Variants in TRIM22 observed in about 807,000 individuals in gnomAD.
The protein encoded by TRIM22 is E3 ubiquitin-protein ligase TRIM22.
A neutral mutation model predicts 53.6 loss-of-function variants in TRIM22; 45 were observed. The observed-to-expected ratio is 0.84, with a 90% CI of 0.66 to 1.08. TRIM22 has a LOEUF of 1.08. Ranked by LOEUF, TRIM22 falls within the 50% of genes least tolerant of loss-of-function variation. The pLI is 0.00. For synonymous variants in TRIM22, 225 were observed against 216.6 expected (o/e 1.04, Z -0.34); for missense variants, 616 against 590.9 (o/e 1.04, Z -0.44).
At position 5,690,028 on chromosome 11, in the gene TRIM22, T is replaced by G. The variant is rs1318861835; in HGVS notation, c.-67+129T>G. The G allele has an allele frequency of 2.0e-5, 3 of 152,290 alleles. 1 individual carries two copies. In the South Asian group the frequency reaches 6.2e-4, roughly 32 times the overall value. The allele number at this position is 152,290 out of a possible 1,614,324, so 9.4% of individuals were successfully genotyped here. ...AAACAAAAAGAGGCAGCTTGTGAAC[T>G]GTCTGCTGAGATGGCAGAGGAAGAA... On this transcript the variant is annotated intron_variant, in intron 1 of 7. Coordinates refer to ENST00000379965, the MANE Select transcript of TRIM22 (RefSeq NM_006074.5).
intron 4 of TRIM22, among the ~76,000 whole-genome samples, chr11:5,701,386 T>TAAC (rs533019926): frequency 0.012 from 1,882 of 152,344 alleles, 42 homozygotes; most frequent in African/African-American, 0.043. Context: ...CAGCTGTCTG[T>TAAC]TACTGATTAC....
At position 5,710,686 on chromosome 11, in the gene TRIM22, C is replaced by T. The variant is rs537511090; in HGVS notation, c.*1038C>T. On this transcript the variant is annotated 3_prime_UTR_variant, in exon 8 of 8. Coordinates refer to ENST00000379965, the MANE Select transcript of TRIM22 (RefSeq NM_006074.5). Reference sequence around the variant, plus strand: ...CAAGACTATATCTAATTCCTCTGATCACTTTGAGAAACAAACTTTTATTAA... The same window carrying T: ...CAAGACTATATCTAATTCCTCTGATTACTTTGAGAAACAAACTTTTATTAA... 6 of 152,128 alleles carry T rather than the reference C, an allele frequency of 3.9e-5. No individual in the cohort carries two copies. The highest frequency in any genetic ancestry group is 6.5e-5 in the Admixed American group (1 of 15,274). The allele number at this position is 152,128 out of a possible 1,614,324, so 9.4% of individuals were successfully genotyped here.
At chr11:5,697,554 G>A in intron 3 of TRIM22, 1 of 447,890 alleles carries the variant, frequency 2.2e-6, no homozygotes, top group Non-Finnish European at 4.0e-6. Context: ...GGAAGTGAAG[G>A]CATGGAGGGA....
At chr11:5,690,263 G>A (rs930426500) in intron 1 of TRIM22, among the ~76,000 whole-genome samples, 1 of 152,152 alleles carries the variant, frequency 6.6e-6, no homozygotes, top group Non-Finnish European at 1.5e-5. Flanking sequence ...GTGCAGAGGG[G>A]TGCTTCTTCT....
In TRIM22 at chr11:5,698,517, T is replaced by C; in HGVS notation, c.722T>C (p.Leu241Ser). ...CTCATCTCAGATCTCCAGCGGAGGT[T>C]GAGGGGATCGTCAGTAGAGATGCTG... ...STLISDLQRR[L>S]RGSSVEMLQD... The change falls in exon 4 of 8, where the codon TTG (leucine) becomes TCG (serine). Residue 241 changes from leucine (L) to serine (S), a missense_variant. Transcript: ENST00000379965. 1 of 1,613,800 alleles carries C rather than the reference T, an allele frequency of 6.2e-7. No homozygotes were observed. The highest frequency in any genetic ancestry group is 8.5e-7 in the Non-Finnish European group (1 of 1,179,782).
intron 3 of TRIM22, chr11:5,697,547 A>G (rs1017241894): frequency 6.5e-6 from 3 of 462,210 alleles, no homozygotes; most frequent in African/African-American, 5.9e-5. Flanking sequence ...TATATTTGGA[A>G]GTGAAGGCAT....
At chr11:5,691,370 G>A (rs771147258) in intron 1 of TRIM22, among the ~76,000 whole-genome samples, 3 of 152,104 alleles carry the variant, frequency 2.0e-5, no homozygotes, top group Non-Finnish European at 2.9e-5. Context: ...TAATTAGATC[G>A]GAACAAAACA....
chr11:5,697,196 C>T (rs1853278736), intron 2 of TRIM22, 52 bp from the exon 3 acceptor site: 1 of 1,388,318 alleles, frequency 7.2e-7, no homozygotes, highest in Non-Finnish European at 9.9e-7. Flanking sequence ...GTCCTCTATT[C>T]AGGTGCTGAG....
chr11:5,696,065 TTC>T, intron 1 of TRIM22, 100 bp from the exon 2 acceptor site: 1 of 548,686 alleles, frequency 1.8e-6, no homozygotes, highest in Non-Finnish European at 3.1e-6. Flanking sequence ...CTTTTCTCCT[TTC>T]TCTGTTAAAT....
Position 5,699,320 on chromosome 11 carries a change from C to T in TRIM22, c.750+775C>T, listed in dbSNP as rs367981994. Among the ~76,000 whole-genome samples the T allele has an allele frequency of 6.8e-4, 87 of 128,166 alleles. 16 individuals are homozygous for T. Among genetic ancestry groups the T allele is most frequent in the African/African-American group, 3.0e-3 (80 of 26,918 alleles). The allele number at this position is 128,166 out of a possible 152,430, so 84.1% of individuals were successfully genotyped here. On this transcript the variant is annotated intron_variant, in intron 4 of 7. Transcript: ENST00000379965. ...CGGGTGGATCATGAGGTCAGGAGATCGAGACCATCCTGGCTAACAAGGTGA... is the reference window on the plus strand; with the variant it reads ...CGGGTGGATCATGAGGTCAGGAGATTGAGACCATCCTGGCTAACAAGGTGA...
chr11:5,707,753 A>C (rs1027638793), intron 5 of TRIM22, among the ~76,000 whole-genome samples: 1 of 152,182 alleles, frequency 6.6e-6, no homozygotes, highest in East Asian at 1.9e-4. Flanking sequence ...CAGAGGTTGC[A>C]GTGAGCCGAG....
intron 5 of TRIM22, among the ~76,000 whole-genome samples, chr11:5,707,367 T>TC (rs1448257320): frequency 6.6e-6 from 1 of 152,168 alleles, no homozygotes; most frequent in Non-Finnish European, 1.5e-5. Context: ...TTGATATCTC[T>TC]CAACAACTCA....
chr11:5,695,239 T>C (rs967239067), intron 1 of TRIM22, among the ~76,000 whole-genome samples: 1 of 152,226 alleles, frequency 6.6e-6, no homozygotes, highest in African/African-American at 2.4e-5. Flanking sequence ...AATTATAGTA[T>C]GTCCTTCTAA....
At chr11:5,700,256 C>A (rs779246598) in intron 4 of TRIM22, among the ~76,000 whole-genome samples, 1 of 151,832 alleles carries the variant, frequency 6.6e-6, no homozygotes, top group African/African-American at 2.4e-5. Context: ...CCAGGACTAG[C>A]GCACACCGCC....
At chr11:5,705,011 T>C (rs1853438184) in intron 4 of TRIM22, among the ~76,000 whole-genome samples, 1 of 152,182 alleles carries the variant, frequency 6.6e-6, no homozygotes, top group Non-Finnish European at 1.5e-5. Context: ...CTAACCTCTA[T>C]TCCTTTTGAT....
At chr11:5,704,247 A>G (rs1246688342) in intron 4 of TRIM22, among the ~76,000 whole-genome samples, 1 of 148,056 alleles carries the variant, frequency 6.8e-6, no homozygotes, top group East Asian at 2.0e-4. Flanking sequence ...TTTCTTCTTT[A>G]TCTTTCTTTT....
At chr11:5,695,985 TAAG>T (rs765100986) in intron 1 of TRIM22, among the ~76,000 whole-genome samples, 179 bp from the exon 2 acceptor site, 5 of 152,204 alleles carry the variant, frequency 3.3e-5, no homozygotes, top group Non-Finnish European at 5.9e-5. Flanking sequence ...AGACAAAAAT[TAAG>T]AATAAAGTGT....
intron 1 of TRIM22, among the ~76,000 whole-genome samples, chr11:5,692,988 G>C (rs1353154805): frequency 6.6e-6 from 1 of 150,398 alleles, no homozygotes; most frequent in East Asian, 2.0e-4. Flanking sequence ...TGATTCTCCT[G>C]CCTCAGCCTC....
At chr11:5,702,031 T>C (rs1480183666) in intron 4 of TRIM22, among the ~76,000 whole-genome samples, 2 of 150,108 alleles carry the variant, frequency 1.3e-5, no homozygotes, top group Non-Finnish European at 3.0e-5. Flanking sequence ...CAATTTTCTT[T>C]CCTCTCTTAG....
Sources: gnomAD v4.1 joint callset for allele counts (sites outside exome capture counted in the v4.1 genomes callset) on GRCh38, gnomAD v4.1.1 for gene constraint, MANE v1.5 for transcripts, NCBI Gene and HGNC (gene_info 2026-07-23, HGNC 2026-07-21) for gene names.